Variants in FGF14 observed in about 807,000 individuals in gnomAD.
The protein encoded by FGF14 is fibroblast growth factor homologous factor 4.
A neutral mutation model predicts 25.5 loss-of-function variants in FGF14; 5 were observed. The ratio of observed to expected loss-of-function variants is 0.20; its 90% confidence interval spans 0.10 to 0.41. FGF14 has a LOEUF of 0.41. Among genes scored for constraint, FGF14 ranks in the 10% least tolerant of loss-of-function variants. FGF14 has a pLI of 1.00. For synonymous variants in FGF14, 138 were observed against 118.3 expected (o/e 1.17, Z -1.08); for missense variants, 222 against 320.1 (o/e 0.69, Z 2.34).
chr13:102,186,259 T>C (rs535787206), intron 1 of FGF14, among the ~76,000 whole-genome samples: 1 of 152,294 alleles, frequency 6.6e-6, no homozygotes, highest in South Asian at 2.1e-4. Flanking sequence ...CTTATTGGGG[T>C]CAACAGATTA....
chr13:102,065,717 A>G (rs1297657170), intron 1 of FGF14, among the ~76,000 whole-genome samples: 1 of 152,048 alleles, frequency 6.6e-6, no homozygotes, highest in African/African-American at 2.4e-5. Context: ...CAGTTAATAT[A>G]TAACTGTCCA....
chr13:101,857,547 T>G (rs1031066257), intron 3 of FGF14, among the ~76,000 whole-genome samples: 9 of 152,046 alleles, frequency 5.9e-5, no homozygotes, highest in African/African-American at 2.2e-4. Context: ...CCAGGCTGGA[T>G]GAGTTATCTG....
intron 1 of FGF14, among the ~76,000 whole-genome samples, chr13:102,169,594 G>A (rs1197671068): frequency 6.6e-6 from 1 of 152,132 alleles, no homozygotes; most frequent in African/African-American, 2.4e-5. Context: ...ATTATTTAAA[G>A]TTACAGAACC....
chr13:102,234,814 G>T (rs1359616846), intron 1 of FGF14, among the ~76,000 whole-genome samples: 1 of 152,184 alleles, frequency 6.6e-6, no homozygotes, highest in African/African-American at 2.4e-5. Flanking sequence ...ATGTGTATGA[G>T]TTATGACATT....
intron 1 of FGF14, among the ~76,000 whole-genome samples, chr13:101,885,837 C>G (rs1254588289): frequency 6.6e-6 from 1 of 152,084 alleles, no homozygotes; most frequent in Non-Finnish European, 1.5e-5. Flanking sequence ...CATGAGGAAA[C>G]TGAAAGTCAA....
At chr13:102,036,660 A>AG (rs2041489529) in intron 1 of FGF14, among the ~76,000 whole-genome samples, 2 of 151,992 alleles carry the variant, frequency 1.3e-5, no homozygotes, top group Non-Finnish European at 2.9e-5. Context: ...AAGAGGAAAC[A>AG]GAAGGAGGAG....
rs963790573 is a variant in FGF14, at chr13:101,720,048, T to G, written c.*2783A>C. ...GTTACATAAAGTTGTTTGATGTTTTTTAATATGCCTTCATATAAATATTTT... is the reference window on the plus strand; with the variant it reads ...GTTACATAAAGTTGTTTGATGTTTTGTAATATGCCTTCATATAAATATTTT... On this transcript the variant is annotated 3_prime_UTR_variant, in exon 5 of 5. Coordinates refer to ENST00000376143, the MANE Select transcript of FGF14 (RefSeq NM_004115.4). 1 of 152,152 alleles carries G rather than the reference T, an allele frequency of 6.6e-6. No homozygotes were observed. The highest frequency in any genetic ancestry group is 2.4e-5 in the African/African-American group (1 of 41,450). The allele number at this position is 152,152 out of a possible 1,614,324, so 9.4% of individuals were successfully genotyped here.
At chr13:102,262,581 T>TA (rs2052770829) in intron 1 of FGF14, among the ~76,000 whole-genome samples, 1 of 152,142 alleles carries the variant, frequency 6.6e-6, no homozygotes, top group Non-Finnish European at 1.5e-5. Context: ...AATGTAGCTC[T>TA]AAAAAAATCC....
chr13:102,297,318 C>T (rs2054768850), intron 1 of FGF14, among the ~76,000 whole-genome samples: 1 of 151,928 alleles, frequency 6.6e-6, no homozygotes, highest in Admixed American at 6.6e-5. Flanking sequence ...TCTAGAGGAC[C>T]CCTAAAAAGA....
At chr13:102,058,521 GTATTT>G (rs2042535591) in intron 1 of FGF14, among the ~76,000 whole-genome samples, 1 of 152,088 alleles carries the variant, frequency 6.6e-6, no homozygotes, top group Non-Finnish European at 1.5e-5. Flanking sequence ...AATGAAACTG[GTATTT>G]TATTATTAAC....
chr13:101,973,703 G>A (rs1048832072), intron 1 of FGF14, among the ~76,000 whole-genome samples: 9 of 152,126 alleles, frequency 5.9e-5, no homozygotes, highest in Non-Finnish European at 1.0e-4. Flanking sequence ...TATTCTAGCC[G>A]TGCTGGCAGC....
chr13:102,197,624 C>T (rs2049421641), intron 1 of FGF14, among the ~76,000 whole-genome samples: 1 of 151,292 alleles, frequency 6.6e-6, no homozygotes. Context: ...CATAATAAAG[C>T]CATAAATACA....
chr13:101,893,662 C>T (rs1423704343), intron 1 of FGF14, among the ~76,000 whole-genome samples: 1 of 152,004 alleles, frequency 6.6e-6, no homozygotes, highest in African/African-American at 2.4e-5. Context: ...AAGGAAAGTG[C>T]CACGTGATAA....
At chr13:102,238,369 T>C (rs2051426244) in intron 1 of FGF14, among the ~76,000 whole-genome samples, 1 of 152,230 alleles carries the variant, frequency 6.6e-6, no homozygotes, top group African/African-American at 2.4e-5. Context: ...TTGTATATCC[T>C]TTCAACATGC....
intron 1 of FGF14, among the ~76,000 whole-genome samples, chr13:102,354,585 G>A (rs1211094935): frequency 6.6e-6 from 1 of 152,066 alleles, no homozygotes; most frequent in Non-Finnish European, 1.5e-5. Context: ...CAGCCACATT[G>A]GGCACGTGTC....
chr13:101,716,414 A>G lies in FGF14; in HGVS notation c.*6417T>C, dbSNP rs2034723339. ...AATTATGAAAAATGTACAATTTAAC[A>G]TTTTAAATAAATAGTGACAGAAGTT... On this transcript the variant is annotated 3_prime_UTR_variant, in exon 5 of 5. Coordinates refer to ENST00000376143, the MANE Select transcript of FGF14 (RefSeq NM_004115.4). The G allele has an allele frequency of 1.3e-5, 2 of 152,208 alleles. No homozygotes were observed. The highest frequency in any genetic ancestry group is 4.1e-4 in the South Asian group (2 of 4,832). The allele number at this position is 152,208 out of a possible 1,614,324, so 9.4% of individuals were successfully genotyped here.
chr13:102,028,354 C>G (rs1241632902), intron 1 of FGF14, among the ~76,000 whole-genome samples: 1 of 152,044 alleles, frequency 6.6e-6, no homozygotes, highest in South Asian at 2.1e-4. Flanking sequence ...CCCAGGGGAG[C>G]TGATTTGCCT....
At chr13:102,098,242 T>G (rs2044498205) in intron 1 of FGF14, among the ~76,000 whole-genome samples, 1 of 152,186 alleles carries the variant, frequency 6.6e-6, no homozygotes, top group Non-Finnish European at 1.5e-5. Context: ...AGACAATCTG[T>G]CAGTAGTTTG....
chr13:102,230,769 T>C (rs931704596), intron 1 of FGF14, among the ~76,000 whole-genome samples: 3 of 152,232 alleles, frequency 2.0e-5, no homozygotes. Flanking sequence ...TGAGCATTTA[T>C]TTGTAATTTG....
Sources: allele counts gnomAD v4.1 joint callset (sites outside exome capture counted in the v4.1 genomes callset), GRCh38; gene constraint gnomAD v4.1.1; transcripts MANE v1.5; gene names NCBI Gene and HGNC (gene_info 2026-07-23, HGNC 2026-07-21).